PAK2: variants seen among roughly 807,000 people sequenced by gnomAD.
PAK2 encodes serine/threonine-protein kinase PAK 2.
A neutral mutation model predicts 65.9 loss-of-function variants in PAK2; 21 were observed. The observed-to-expected ratio is 0.32, with a 90% CI of 0.23 to 0.46. The LOEUF (loss-of-function observed/expected upper bound fraction) is 0.46, where lower values mean the gene tolerates loss of function less well. PAK2 is among the 20% of genes least tolerant of loss of function. The pLI, the probability that PAK2 is intolerant of heterozygous loss-of-function variation, is 1.00. For synonymous variants in PAK2, 204 were observed against 219.7 expected, an observed-to-expected ratio of 0.93 and a Z score of 0.63; for missense variants, 324 against 642.6, an observed-to-expected ratio of 0.50 and a Z score of 5.36.
At chr3:196,812,690 C>G (rs951100821) in intron 9 of PAK2, 49 bp from the exon 10 acceptor site, 1 of 837,696 alleles carries the variant, frequency 1.2e-6, no homozygotes, top group African/African-American at 1.7e-5. Flanking sequence ...TTGTAATTTT[C>G]TAAGAGAATT....
rs969015270 is a variant in PAK2 at position 196,756,293 on chromosome 3, A to G, written c.-22+16136A>G. Among the ~76,000 whole-genome samples the G allele has an allele frequency of 3.9e-5, 6 of 152,112 alleles. No homozygotes were observed. In the East Asian group the frequency reaches 1.2e-3, roughly 29 times the overall value. ...CACTCCCTGTGTCCTCTGTATATAG[A>G]TACCTTCCTCTCTTTCTTTGCCTGA... On this transcript the variant is annotated intron_variant, in intron 1 of 14. Coordinates refer to ENST00000327134, the MANE Select transcript of PAK2 (RefSeq NM_002577.4).
chr3:196,824,674 A>T (rs1220928675), intron 13 of PAK2, among the ~76,000 whole-genome samples: 1 of 152,124 alleles, frequency 6.6e-6, no homozygotes, highest in African/African-American at 2.4e-5. Flanking sequence ...ACTGGAGAGC[A>T]TTCATTTGTC....
chr3:196,815,136 C>T lies in PAK2; in HGVS notation c.1053+568C>T, dbSNP rs188624989. Among the ~76,000 whole-genome samples the T allele has an allele frequency of 5.2e-3, 795 of 151,846 alleles. 10 individuals carry two copies. Among genetic ancestry groups the T allele is most frequent in the East Asian group, 0.042 (218 of 5,142 alleles). On this transcript the variant is annotated intron_variant, in intron 11 of 14. Transcript: ENST00000327134. ...TGGAGCTTGCAGTGAGCCGAGATCA[C>T]ACCACTGCACTCCAGCCTGGGCAAC...
intron 4 of PAK2, among the ~76,000 whole-genome samples, chr3:196,804,251 A>G (rs192507871): frequency 1.3e-5 from 2 of 152,342 alleles, no homozygotes; most frequent in Non-Finnish European, 1.5e-5. Context: ...AGGGAGAAAT[A>G]GAAATCTTTT....
At chr3:196,802,777 G>A (rs752688105) in intron 3 of PAK2, among the ~76,000 whole-genome samples, 46 of 151,512 alleles carry the variant, frequency 3.0e-4, no homozygotes, top group Admixed American at 9.9e-4. Flanking sequence ...CCGGGAGGTG[G>A]AGCTTGCAGT....
chr3:196,777,124 C>G (rs1577714671), intron 1 of PAK2, among the ~76,000 whole-genome samples: 1 of 152,082 alleles, frequency 6.6e-6, no homozygotes, highest in Admixed American at 6.6e-5. Context: ...GGAAAATAGT[C>G]ATTTTTCATA....
At chr3:196,807,008 A>C (rs987035551) in intron 6 of PAK2, among the ~76,000 whole-genome samples, 1 of 152,172 alleles carries the variant, frequency 6.6e-6, no homozygotes, top group Non-Finnish European at 1.5e-5. Flanking sequence ...GACTAAATCT[A>C]AAACTTAGAG....
At chr3:196,783,264 C>G (rs550491553) in intron 2 of PAK2, among the ~76,000 whole-genome samples, 1 of 152,270 alleles carries the variant, frequency 6.6e-6, no homozygotes, top group African/African-American at 2.4e-5. Context: ...ATAATGCCCT[C>G]AGAAGTGTCG....
At chr3:196,746,327 A>G (rs1022814050) in intron 1 of PAK2, among the ~76,000 whole-genome samples, 2 of 152,138 alleles carry the variant, frequency 1.3e-5, no homozygotes, top group African/African-American at 4.8e-5. Flanking sequence ...ATTTTATGAG[A>G]TGCTATTGTA....
intron 1 of PAK2, among the ~76,000 whole-genome samples, chr3:196,757,592 AAATT>A (rs1236021529): frequency 1.3e-5 from 2 of 151,710 alleles, no homozygotes; most frequent in Admixed American, 6.6e-5. Flanking sequence ...GAATAAAAAA[AAATT>A]AACCCCAAAC....
At chr3:196,787,023 T>TA (rs940731383) in intron 2 of PAK2, among the ~76,000 whole-genome samples, 18 of 151,710 alleles carry the variant, frequency 1.2e-4, no homozygotes, top group African/African-American at 3.9e-4. Context: ...CAGGCTCTCA[T>TA]ATGTTGCCCA....
rs146646217 is a variant in PAK2 at position 196,791,023 on chromosome 3, G to A, written c.187+8190G>A. Among the ~76,000 whole-genome samples, 6 of 152,162 alleles carry A rather than the reference G, an allele frequency of 3.9e-5. No individual in the cohort carries two copies. The highest frequency in any genetic ancestry group is 1.9e-4 in the East Asian group (1 of 5,190). On this transcript the variant is annotated intron_variant, in intron 2 of 14. Coordinates refer to ENST00000327134, the MANE Select transcript of PAK2 (RefSeq NM_002577.4). This position sits in a 1 kb window ranked among gnomAD's most constrained non-coding sequence, Gnocchi z 4.0. ...ACTTTGAAGCTATGCAAAACTCCCCGGCCTTCCAAGCAGGTTTGCTTTTTT... is the reference window on the plus strand; with the variant it reads ...ACTTTGAAGCTATGCAAAACTCCCCAGCCTTCCAAGCAGGTTTGCTTTTTT...
chr3:196,765,053 C>T (rs964623061), intron 1 of PAK2, among the ~76,000 whole-genome samples: 28 of 151,422 alleles, frequency 1.8e-4, no homozygotes, highest in Admixed American at 1.6e-3. Flanking sequence ...ACCGTGTTAG[C>T]CAGGATGGTC....
intron 1 of PAK2, among the ~76,000 whole-genome samples, chr3:196,763,363 G>A (rs1714048611): frequency 6.6e-6 from 1 of 152,172 alleles, no homozygotes; most frequent in African/African-American, 2.4e-5. Flanking sequence ...TGCCCATCAG[G>A]AGTCTTGTGA....
chr3:196,749,672 A>G (rs1238819421), intron 1 of PAK2, among the ~76,000 whole-genome samples: 1 of 152,122 alleles, frequency 6.6e-6, no homozygotes, highest in Non-Finnish European at 1.5e-5. Flanking sequence ...TTTGTAAGAA[A>G]CTGTTCAACT....
intron 1 of PAK2, among the ~76,000 whole-genome samples, chr3:196,762,482 G>C (rs1289714369): frequency 6.6e-6 from 1 of 150,562 alleles, no homozygotes; most frequent in Non-Finnish European, 1.5e-5. Flanking sequence ...ATCACTCGCG[G>C]TTAGGGGCTG....
chr3:196,798,374 T>C (rs1560108103), intron 2 of PAK2, among the ~76,000 whole-genome samples: 1 of 151,784 alleles, frequency 6.6e-6, no homozygotes. Context: ...GAAGGAGTCT[T>C]GCTTTGTTGC....
At chr3:196,785,137 T>C (rs1230920226) in intron 2 of PAK2, 1 of 152,216 alleles carries the variant, frequency 6.6e-6, no homozygotes, top group East Asian at 1.9e-4. Context: ...CAGCTCATAT[T>C]AAAAACCAAT....
At chr3:196,767,362 A>T (rs1223965716) in intron 1 of PAK2, among the ~76,000 whole-genome samples, 2 of 152,188 alleles carry the variant, frequency 1.3e-5, no homozygotes, top group Non-Finnish European at 2.9e-5. Context: ...CTTTCCTATG[A>T]CTTGAAAATT....
Sources: gnomAD v4.1 joint callset for allele counts (sites outside exome capture counted in the v4.1 genomes callset) on GRCh38, gnomAD v4.1.1 for gene constraint, Gnocchi (gnomAD v3.1) non-coding constraint, MANE v1.5 for transcripts, NCBI Gene and HGNC (gene_info 2026-07-23, HGNC 2026-07-21) for gene names.